The following ABCB4 variants were observed in gnomAD, a reference collection of about 807,000 sequenced individuals.
ABCB4 encodes phosphatidylcholine translocator ABCB4.
In ABCB4, 76 loss-of-function variants were observed where a neutral mutation model predicts 145.7. The observed-to-expected ratio is 0.52, with a 90% CI of 0.43 to 0.63. The LOEUF (loss-of-function observed/expected upper bound fraction) is 0.63. Ranked by LOEUF, ABCB4 falls within the 30% of genes least tolerant of loss-of-function variation. The probability of loss-of-function intolerance (pLI) is 0.00; values close to 1 mark genes in which losing one functional copy is unlikely to be tolerated. For missense variants in ABCB4, 1,234 were observed against 1,553.1 expected, an observed-to-expected ratio of 0.79 and a Z score of 3.45; for synonymous variants, 517 against 566.8, an observed-to-expected ratio of 0.91 and a Z score of 1.25.
intron 14 of ABCB4, 32 bp from the exon 15 acceptor site, chr7:87,431,597 T>C (rs1312277127): frequency 6.2e-7 from 1 of 1,613,704 alleles, no homozygotes; most frequent in Non-Finnish European, 8.5e-7. Flanking sequence ...GCATCAGGGT[T>C]ACAGTATTGG....
At chr7:87,407,987 G>A in intron 25 of ABCB4, 50 bp downstream of exon 25, 2 of 1,601,654 alleles carry the variant, frequency 1.2e-6, no homozygotes, top group Non-Finnish European at 8.5e-7. Flanking sequence ...AATATTGGTT[G>A]GGCCAATTAA....
intron 4 of ABCB4, 66 bp from the exon 5 acceptor site, chr7:87,454,658 T>C: frequency 8.7e-7 from 1 of 1,155,274 alleles, no homozygotes; most frequent in Non-Finnish European, 1.3e-6. Flanking sequence ...GCCAGGTTTT[T>C]AAAAATCTGT....
In ABCB4 at chr7:87,447,043, A is replaced by G. The variant is rs1388323440; in HGVS notation, c.996T>C (p.Asn332=). 4 of 1,612,978 alleles carry G rather than the reference A, an allele frequency of 2.5e-6. No individual in the cohort carries two copies. Among genetic ancestry groups the G allele is most frequent in the Non-Finnish European group, 2.5e-6 (3 of 1,179,152 alleles). ...LVISKEYTIG[N]AMTVFFSILI... ...TAGGAGAACTACTTACTGTCATTGC[A>G]TTTCCAATAGTATATTCTTTTGATA... is the stretch of plus-strand genomic sequence containing the variant. The change falls in exon 9 of 28, where the codon AAT becomes AAC. Residue 332 remains asparagine, a synonymous_variant. Coordinates refer to ENST00000649586, the MANE Select transcript of ABCB4 (RefSeq NM_000443.4).
Position 87,401,993 on chromosome 7 carries a change from A to G in ABCB4, c.*103T>C. ...TCTAAATTGATCTAGAATGAGACAG[A>G]CATACCTATGTTTTATGATGACAAA... On this transcript the variant is annotated 3_prime_UTR_variant, in exon 28 of 28. Transcript: ENST00000649586. The G allele has an allele frequency of 1.4e-6, 2 of 1,458,312 alleles. No individual in the cohort carries two copies. The highest frequency in any genetic ancestry group is 2.4e-5 in the South Asian group (2 of 82,920). 90.3% of individuals were successfully genotyped at this position (1,458,312 alleles called of 1,614,324 possible). A position where few individuals can be genotyped will look rare whatever the true frequency, so the allele number is the denominator to read the frequency against.
At chr7:87,411,475 C>T (rs1458179820) in intron 23 of ABCB4, among the ~76,000 whole-genome samples, 3 of 152,100 alleles carry the variant, frequency 2.0e-5, no homozygotes, top group Non-Finnish European at 2.9e-5. Flanking sequence ...AGTGCCTTTG[C>T]CAGACTTCCA....
At chr7:87,381,479 C>T in the ABCB4 span, among the ~76,000 whole-genome samples, 7 of 152,172 alleles carry the variant, frequency 4.6e-5, no homozygotes, top group African/African-American at 1.7e-4. Flanking sequence ...AAGTCCTTAC[C>T]TAAAGAAGTT....
At position 87,450,089 on chromosome 7, in the gene ABCB4, G is replaced by A. The variant is rs45596335; in HGVS notation, c.712C>T (p.Leu238Phe). 2 of 1,614,068 alleles carry A rather than the reference G, an allele frequency of 1.2e-6. No individual in the cohort carries two copies. Among genetic ancestry groups the A allele is most frequent in the Non-Finnish European group, 1.7e-6 (2 of 1,179,980 alleles). ...GLSAAVWAKI[L>F]SAFSDKELAA... is the part of the protein sequence containing the mutation. ...AGTTCTTTGTCACTAAATGCCGAGA[G>A]TATCTGGACAGAAAAGAAACAGTGA... Residue 238 changes from leucine (L) to phenylalanine (F), a missense_variant, in exon 8 of 28, where the codon CTC becomes TTC. Physicochemically the swap from Leu to Phe is conservative, Grantham distance 22. Around this residue, in one of 7 missense-constraint regions of ABCB4, gnomAD observed 467 missense variants for 632.8 expected, o/e 0.74. Coordinates refer to ENST00000649586, the MANE Select transcript of ABCB4 (RefSeq NM_000443.4).
chr7:87,449,091 T>C (rs1811534832), intron 8 of ABCB4, among the ~76,000 whole-genome samples: 1 of 152,212 alleles, frequency 6.6e-6, no homozygotes, highest in Admixed American at 6.5e-5. Flanking sequence ...CAGCTTTTCA[T>C]ATGTCAATCA....
chr7:87,372,801 G>T, the ABCB4 span, among the ~76,000 whole-genome samples: 1 of 151,812 alleles, frequency 6.6e-6, no homozygotes, highest in Non-Finnish European at 1.5e-5. Flanking sequence ...CCTTTTTATT[G>T]CTGAATAACA....
At chr7:87,409,170 TA>T in intron 24 of ABCB4, 65 bp downstream of exon 24, 1 of 1,572,386 alleles carries the variant, frequency 6.4e-7, no homozygotes, top group Non-Finnish European at 8.7e-7. Flanking sequence ...CCTGTAGCTA[TA>T]ATCTAGCAGA....
the ABCB4 span, chr7:87,391,581 T>C: frequency 6.3e-7 from 1 of 1,585,190 alleles, no homozygotes; most frequent in East Asian, 2.3e-5. Flanking sequence ...TTTAATTTTT[T>C]CTTGTAGCCC....
chr7:87,433,013 C>A (rs911875354), intron 14 of ABCB4, among the ~76,000 whole-genome samples: 1 of 151,964 alleles, frequency 6.6e-6, no homozygotes, highest in Non-Finnish European at 1.5e-5. Flanking sequence ...AAAACCAGCA[C>A]GTGAATGGGT....
intron 15 of ABCB4, among the ~76,000 whole-genome samples, chr7:87,429,851 A>G (rs1274609272): frequency 6.6e-6 from 1 of 151,310 alleles, no homozygotes; most frequent in Non-Finnish European, 1.5e-5. Flanking sequence ...CATTTGGGGG[A>G]ATTTGCAAAT....
intron 25 of ABCB4, among the ~76,000 whole-genome samples, chr7:87,407,149 T>C (rs776677321): frequency 4.6e-5 from 7 of 152,188 alleles, no homozygotes. Context: ...AGTGTTGTAA[T>C]ATGTACTTGA....
At chr7:87,433,675 G>GTTTTT (rs1000391993) in intron 14 of ABCB4, among the ~76,000 whole-genome samples, 4 of 100,370 alleles carry the variant, frequency 4.0e-5, no homozygotes, top group Middle Eastern at 5.7e-3. Flanking sequence ...AATTGTTGTT[G>GTTTTT]TTTTTTTTTT....
intron 25 of ABCB4, 132 bp downstream of exon 25, chr7:87,407,905 G>T (rs1808319584): frequency 9.0e-7 from 1 of 1,116,238 alleles, no homozygotes; most frequent in Non-Finnish European, 1.3e-6. Context: ...TGCCAGTTGG[G>T]GTTTATAGAA....
At chr7:87,454,456 T>C in intron 5 of ABCB4, 79 bp downstream of exon 5, 1 of 1,150,434 alleles carries the variant, frequency 8.7e-7, no homozygotes, top group Non-Finnish European at 1.3e-6. Flanking sequence ...TACACGTTAT[T>C]TGTATATTCT....
At chr7:87,460,704 G>C (rs1337365270) in intron 4 of ABCB4, among the ~76,000 whole-genome samples, 1 of 151,866 alleles carries the variant, frequency 6.6e-6, no homozygotes, top group Non-Finnish European at 1.5e-5. Context: ...AGGCTGGAGT[G>C]CAGTGGCACC....
In ABCB4 at chr7:87,459,304, G is replaced by A. The variant is rs545428126; in HGVS notation, c.286+3454C>T. The stretch of plus-strand genomic sequence containing the variant: ...ACCCATTAAACAACAGCTCCCCACT[G>A]CTCCTCCCCACAACCCCTATTAACC... On this transcript the variant is annotated intron_variant, in intron 4 of 27. Coordinates refer to ENST00000649586, the MANE Select transcript of ABCB4 (RefSeq NM_000443.4). 2.0e-5 allele frequency among the ~76,000 whole-genome samples: 3 copies of A among 152,128 alleles called. No individual in the cohort carries two copies. The East Asian group carries it at 5.8e-4, about 29-fold the overall frequency.
Sources: gnomAD v4.1 joint callset for allele counts (sites outside exome capture counted in the v4.1 genomes callset) on GRCh38, gnomAD v4.1.1 for gene constraint, gnomAD v4.1.1 regional missense constraint, MANE v1.5 for transcripts, NCBI Gene and HGNC (gene_info 2026-07-23, HGNC 2026-07-21) for gene names.